Variants in NAALADL2 observed in about 807,000 individuals in gnomAD.
The protein encoded by NAALADL2 is N-acetylated alpha-linked acidic dipeptidase like 2.
NAALADL2 carries 76 observed loss-of-function variants against 87.2 expected under a neutral mutation model. The observed-to-expected ratio is 0.87, with a 90% CI of 0.72 to 1.05. The LOEUF (loss-of-function observed/expected upper bound fraction) is 1.05, where lower values mean the gene tolerates loss of function less well. NAALADL2 is among the 50% of genes least tolerant of loss of function. The pLI, the probability that NAALADL2 is intolerant of heterozygous loss-of-function variation, is 0.00. For synonymous variants in NAALADL2, 354 were observed against 331.0 expected (o/e 1.07, Z -0.75); for missense variants, 1,089 against 945.8 (o/e 1.15, Z -1.99).
intron 3 of NAALADL2, among the ~76,000 whole-genome samples, chr3:174,764,174 T>A (rs1713466944): frequency 6.6e-6 from 1 of 152,198 alleles, no homozygotes; most frequent in African/African-American, 2.4e-5. Context: ...CATTATTCAC[T>A]CACATGCTGG....
chr3:175,335,637 C>T (rs1479593862), intron 5 of NAALADL2, among the ~76,000 whole-genome samples: 1 of 152,050 alleles, frequency 6.6e-6, no homozygotes, highest in African/African-American at 2.4e-5. Flanking sequence ...CTTGTAATGC[C>T]ACTTTAAAGT....
At chr3:175,789,881 TAAAA>T (rs1397690171) in intron 13 of NAALADL2, among the ~76,000 whole-genome samples, 1 of 152,058 alleles carries the variant, frequency 6.6e-6, no homozygotes, top group Admixed American at 6.6e-5. Context: ...AAGTTATTAA[TAAAA>T]AAATACAAAT....
At chr3:175,386,910 C>T (rs1404654381) in intron 5 of NAALADL2, among the ~76,000 whole-genome samples, 1 of 152,024 alleles carries the variant, frequency 6.6e-6, no homozygotes, top group Non-Finnish European at 1.5e-5. Context: ...ATAAATGATG[C>T]TGACAATTTG....
At chr3:175,209,272 T>C (rs1741416722) in intron 2 of NAALADL2, among the ~76,000 whole-genome samples, 1 of 151,986 alleles carries the variant, frequency 6.6e-6, no homozygotes, top group African/African-American at 2.4e-5. Context: ...TTGCTGAAGA[T>C]AAAAGCAGAA....
chr3:175,799,997 G>C (rs1319810070), intron 13 of NAALADL2, among the ~76,000 whole-genome samples: 1 of 152,090 alleles, frequency 6.6e-6, no homozygotes, highest in African/African-American at 2.4e-5. Flanking sequence ...ACATTTCCTG[G>C]TACTGGATGA....
intron 13 of NAALADL2, among the ~76,000 whole-genome samples, chr3:175,767,971 A>T (rs1748957476): frequency 6.6e-6 from 1 of 152,236 alleles, no homozygotes; most frequent in Admixed American, 6.5e-5. Flanking sequence ...CTGCACTTCG[A>T]AAAATGTTTG....
chr3:175,418,081 T>A (rs562955219), intron 5 of NAALADL2, among the ~76,000 whole-genome samples: 1 of 151,458 alleles, frequency 6.6e-6, no homozygotes, highest in Non-Finnish European at 1.5e-5. Flanking sequence ...GTTTGGGAAA[T>A]CAAAAAAGGA....
chr3:174,853,537 A>T (rs1725506139), intron 3 of NAALADL2, among the ~76,000 whole-genome samples: 1 of 152,118 alleles, frequency 6.6e-6, no homozygotes, highest in Non-Finnish European at 1.5e-5. Flanking sequence ...GACAAATGGG[A>T]TCACACCAAA....
At chr3:175,639,770 C>A (rs924224941) in intron 11 of NAALADL2, among the ~76,000 whole-genome samples, 2 of 152,134 alleles carry the variant, frequency 1.3e-5, no homozygotes, top group African/African-American at 4.8e-5. Context: ...TGAATAGGAA[C>A]ATTTTCTACG....
intron 3 of NAALADL2, among the ~76,000 whole-genome samples, chr3:174,848,556 T>C (rs1301962467): frequency 3.3e-5 from 5 of 152,196 alleles, no homozygotes; most frequent in Non-Finnish European, 7.4e-5. Flanking sequence ...TGGCTCAAAA[T>C]GCATATAGAG....
At chr3:175,701,018 C>T (rs1309910720) in intron 11 of NAALADL2, among the ~76,000 whole-genome samples, 1 of 152,060 alleles carries the variant, frequency 6.6e-6, no homozygotes, top group African/African-American at 2.4e-5. Flanking sequence ...ATGAAGACCA[C>T]CCAAATGACA....
chr3:175,560,232 G>A (rs946239132), intron 9 of NAALADL2, among the ~76,000 whole-genome samples: 2 of 152,082 alleles, frequency 1.3e-5, no homozygotes, highest in African/African-American at 2.4e-5. Context: ...GTTGATCATA[G>A]TAGCCACTAA....
At chr3:174,763,066 C>T (rs1336985375) in intron 3 of NAALADL2, among the ~76,000 whole-genome samples, 1 of 151,982 alleles carries the variant, frequency 6.6e-6, no homozygotes, top group Non-Finnish European at 1.5e-5. Context: ...AGTTACTTTG[C>T]TCCTAGTTGT....
chr3:175,509,532 A>G (rs769583059), intron 9 of NAALADL2, among the ~76,000 whole-genome samples: 1 of 152,244 alleles, frequency 6.6e-6, no homozygotes, highest in Non-Finnish European at 1.5e-5. Flanking sequence ...GTATATTATA[A>G]ACAGCTCTAT....
intron 1 of NAALADL2, among the ~76,000 whole-genome samples, chr3:174,539,983 A>G (rs78768129): frequency 1.6e-5 from 2 of 122,554 alleles, no homozygotes; most frequent in Non-Finnish European, 3.4e-5. Context: ...TCTGGAAAAA[A>G]AAAAAAAAAA....
At chr3:175,097,340 A>C in intron 2 of NAALADL2, 49 bp downstream of exon 2, 1 of 1,540,500 alleles carries the variant, frequency 6.5e-7, no homozygotes, top group Non-Finnish European at 8.8e-7. Context: ...CTTGGGAAAA[A>C]TGTCTCACAG....
intron 9 of NAALADL2, among the ~76,000 whole-genome samples, chr3:175,497,779 AG>A (rs1429434616): frequency 6.6e-6 from 1 of 152,144 alleles, no homozygotes; most frequent in Non-Finnish European, 1.5e-5. Flanking sequence ...GCAGTATATA[AG>A]TGTTGTAATA....
At chr3:175,397,055 G>T (rs1481161109) in intron 5 of NAALADL2, among the ~76,000 whole-genome samples, 3 of 151,904 alleles carry the variant, frequency 2.0e-5, no homozygotes, top group Admixed American at 6.6e-5. Flanking sequence ...ATAGTGCCTT[G>T]ATACTTAGTG....
intron 5 of NAALADL2, among the ~76,000 whole-genome samples, chr3:175,388,767 G>T (rs1300103601): frequency 6.6e-6 from 1 of 151,950 alleles, no homozygotes; most frequent in Non-Finnish European, 1.5e-5. Context: ...TTAGTGGATT[G>T]GTCATTTTTT....
Sources: gnomAD v4.1 joint callset for allele counts (sites outside exome capture counted in the v4.1 genomes callset) on GRCh38, gnomAD v4.1.1 for gene constraint, MANE v1.5 for transcripts, NCBI Gene and HGNC (gene_info 2026-07-23, HGNC 2026-07-21) for gene names.